The following FIRRM variants were observed in gnomAD, a reference collection of about 807,000 sequenced individuals.
FIRRM encodes the protein FIGNL1 interacting regulator of recombination and mitosis, also known as FIGNL1-interacting regulator of recombination and mitosis.
the FIRRM span, chr1:169,829,292 G>C: frequency 6.2e-7 from 1 of 1,600,002 alleles, no homozygotes; most frequent in Admixed American, 1.8e-5. Flanking sequence ...GTTTTCTACA[G>C]TTTTGAGCAG....
chr1:169,799,401 A>T, the FIRRM span, among the ~76,000 whole-genome samples: 13 of 152,306 alleles, frequency 8.5e-5, no homozygotes, highest in African/African-American at 2.6e-4. Flanking sequence ...TGTCTTCATC[A>T]GTCTTACTTG....
At chr1:169,842,843 A>G in the FIRRM span, among the ~76,000 whole-genome samples, 1 of 152,188 alleles carries the variant, frequency 6.6e-6, no homozygotes, top group African/African-American at 2.4e-5. Context: ...GTCTTAGGTT[A>G]ATGTATCCTA....
chr1:169,827,105 A>C, the FIRRM span: 1 of 1,613,954 alleles, frequency 6.2e-7, no homozygotes, highest in Non-Finnish European at 8.5e-7. Context: ...ACCAAGAGGA[A>C]ATAGCAGGTG....
At chr1:169,803,897 A>G in the FIRRM span, among the ~76,000 whole-genome samples, 1 of 152,214 alleles carries the variant, frequency 6.6e-6, no homozygotes, top group Non-Finnish European at 1.5e-5. Context: ...GAAGTCAGAA[A>G]TAATATTTTA....
the FIRRM span, among the ~76,000 whole-genome samples, chr1:169,802,322 G>C: frequency 6.6e-6 from 1 of 151,976 alleles, no homozygotes; most frequent in African/African-American, 2.4e-5. Flanking sequence ...TTTATTTTTT[G>C]CATCTCTAAA....
the FIRRM span, among the ~76,000 whole-genome samples, chr1:169,819,563 G>C: frequency 6.6e-6 from 1 of 152,188 alleles, no homozygotes; most frequent in Non-Finnish European, 1.5e-5. Context: ...GAAAATAGAG[G>C]TTTTCACTAA....
chr1:169,802,761 G>A, the FIRRM span: 1 of 1,338,224 alleles, frequency 7.5e-7, no homozygotes, highest in Non-Finnish European at 1.1e-6. Context: ...GAGAGAGAGG[G>A]AGCTTAAAGA....
the FIRRM span, chr1:169,829,414 A>G: frequency 1.9e-6 from 3 of 1,613,258 alleles, no homozygotes; most frequent in Admixed American, 3.3e-5. Context: ...GTGTACATTT[A>G]TTACTTCCTT....
the FIRRM span, chr1:169,826,922 GCA>G: frequency 2.7e-6 from 2 of 742,148 alleles, no homozygotes; most frequent in South Asian, 5.4e-5. Flanking sequence ...TTTATAAAAT[GCA>G]CACTTATTTT....
the FIRRM span, among the ~76,000 whole-genome samples, chr1:169,788,449 A>G: frequency 1.3e-5 from 2 of 152,270 alleles, no homozygotes; most frequent in Non-Finnish European, 1.5e-5. Context: ...ATTGTTAAGA[A>G]TACAATCTAT....
the FIRRM span, chr1:169,836,820 T>G: frequency 4.0e-6 from 3 of 748,432 alleles, no homozygotes; most frequent in South Asian, 5.9e-5. Context: ...CGTACCATTA[T>G]AAAGCTTTCT....
At chr1:169,850,302 G>A in the FIRRM span, 1 of 1,612,572 alleles carries the variant, frequency 6.2e-7, no homozygotes, top group African/African-American at 1.3e-5. Flanking sequence ...CAGTGTCTCA[G>A]TTCTGAAGAA....
the FIRRM span, among the ~76,000 whole-genome samples, chr1:169,846,643 C>G: frequency 6.6e-6 from 1 of 152,160 alleles, no homozygotes; most frequent in South Asian, 2.1e-4. Flanking sequence ...TCATTAGCAT[C>G]AAACATTTCT....
At chr1:169,839,455 G>A in the FIRRM span, among the ~76,000 whole-genome samples, 1 of 152,098 alleles carries the variant, frequency 6.6e-6, no homozygotes, top group Non-Finnish European at 1.5e-5. Flanking sequence ...AACGGCCATT[G>A]TGACTGGTGT....
chr1:169,850,126 G>T, the FIRRM span: 1 of 607,202 alleles, frequency 1.6e-6, no homozygotes, highest in Non-Finnish European at 2.9e-6. Flanking sequence ...AAGGAATCAT[G>T]AGTTTATCAC....
chr1:169,840,019 A>G, the FIRRM span, among the ~76,000 whole-genome samples: 8 of 152,280 alleles, frequency 5.3e-5, no homozygotes, highest in East Asian at 1.9e-4. Context: ...GACTTTTTCA[A>G]TGATCACATG....
At chr1:169,796,418 A>T in the FIRRM span, among the ~76,000 whole-genome samples, 1 of 152,254 alleles carries the variant, frequency 6.6e-6, no homozygotes, top group Non-Finnish European at 1.5e-5. Context: ...TGCACTTCAA[A>T]CGACATATTC....
At chr1:169,830,584 T>C in the FIRRM span, 1 of 1,050,534 alleles carries the variant, frequency 9.5e-7, no homozygotes, top group Non-Finnish European at 1.4e-6. Flanking sequence ...GTCATGGAAA[T>C]AATGGCAGTT....
At chr1:169,789,031 C>T in the FIRRM span, among the ~76,000 whole-genome samples, 1 of 152,212 alleles carries the variant, frequency 6.6e-6, no homozygotes, top group Non-Finnish European at 1.5e-5. Flanking sequence ...ATAGAAGCTG[C>T]ATCCTTGGAC....
Sources: gnomAD v4.1 joint callset for allele counts (sites outside exome capture counted in the v4.1 genomes callset) on GRCh38, gnomAD v4.1.1 for gene constraint, MANE v1.5 for transcripts, NCBI Gene and HGNC (gene_info 2026-07-23, HGNC 2026-07-21) for gene names.